The following GCH1 variants were observed in gnomAD, a reference collection of about 807,000 sequenced individuals.
The protein encoded by GCH1 is GTP cyclohydrolase 1, also known as GTP cyclohydrolase I.
GCH1 carries 5 observed loss-of-function variants against 25.9 expected under a neutral mutation model. The observed-to-expected ratio is 0.19, with a 90% confidence interval of 0.10 to 0.41. The LOEUF (loss-of-function observed/expected upper bound fraction) is 0.41, where lower values mean the gene tolerates loss of function less well. GCH1 is among the 10% of genes least tolerant of loss of function. GCH1 has a pLI of 1.00. For missense variants in GCH1, 261 were observed against 336.5 expected, an observed-to-expected ratio of 0.78 and a Z score of 1.75; for synonymous variants, 159 against 129.6, an observed-to-expected ratio of 1.23 and a Z score of -1.54.
rs149478849 is a variant in GCH1 at position 54,881,344 on chromosome 14, G to A, written c.344-15908C>T. 2.5e-3 allele frequency among the ~76,000 whole-genome samples: 374 copies of A among 152,148 alleles called. 1 individual carries two copies. Among genetic ancestry groups the A allele is most frequent in the African/African-American group, 8.4e-3 (349 of 41,504 alleles). On this transcript the variant is annotated intron_variant, in intron 1 of 5. Transcript: ENST00000491895. Reference sequence around the variant, plus strand: ...CAAAATCCTCCCTAAATCACATCCTGCAACTCAAAGTCTTCTGCCCTGAAG... The same window carrying A: ...CAAAATCCTCCCTAAATCACATCCTACAACTCAAAGTCTTCTGCCCTGAAG...
At chr14:54,879,252 C>G (rs71412656) in intron 1 of GCH1, among the ~76,000 whole-genome samples, 5 of 151,982 alleles carry the variant, frequency 3.3e-5, no homozygotes, top group Admixed American at 2.6e-4. Context: ...GAAAACCCAT[C>G]TCTTCTAAAA....
chr14:54,851,195 T>G (rs1283232886), intron 3 of GCH1, among the ~76,000 whole-genome samples: 7 of 152,224 alleles, frequency 4.6e-5, no homozygotes, highest in Non-Finnish European at 8.8e-5. Context: ...CTGGATCCCT[T>G]CCTTACACCT....
chr14:54,848,534 T>C (rs1176041981), intron 3 of GCH1, among the ~76,000 whole-genome samples: 1 of 152,214 alleles, frequency 6.6e-6, no homozygotes, highest in Non-Finnish European at 1.5e-5. Flanking sequence ...TGAGGACCTT[T>C]TCTTTAAATT....
In GCH1 at chr14:54,842,177, T is replaced by C. The variant is rs1465679868; in HGVS notation, c.*1840A>G. 6.6e-6 allele frequency: 1 copy of C among 152,452 alleles called. No individual in the cohort carries two copies. The highest frequency in any genetic ancestry group is 1.5e-5 in the Non-Finnish European group (1 of 68,036). 9.4% of individuals were successfully genotyped at this position (152,452 alleles called of 1,614,324 possible). A position where few individuals can be genotyped will look rare whatever the true frequency, so the allele number is the denominator to read the frequency against. On this transcript the variant is annotated 3_prime_UTR_variant, in exon 6 of 6. Coordinates refer to ENST00000491895, the MANE Select transcript of GCH1 (RefSeq NM_000161.3). The stretch of plus-strand genomic sequence containing the variant: ...AGATCATGGATATGAAAAGGTAATT[T>C]TGAAGTACTAAAGACTAGAGTAAAA...
intron 3 of GCH1, 145 bp from the exon 4 acceptor site, chr14:54,847,275 A>C (rs897987477): frequency 2.0e-6 from 1 of 510,816 alleles, no homozygotes; most frequent in Non-Finnish European, 3.6e-6. Context: ...AGAAAGATAC[A>C]AGTACCACAG....
intron 1 of GCH1, among the ~76,000 whole-genome samples, chr14:54,865,988 T>A (rs919931898): frequency 3.9e-5 from 6 of 152,174 alleles, no homozygotes; most frequent in African/African-American, 1.4e-4. Context: ...TCTAAACAGT[T>A]GCCTTCCTAA....
intron 1 of GCH1, among the ~76,000 whole-genome samples, chr14:54,868,070 C>T (rs1390197054): frequency 6.6e-6 from 1 of 152,084 alleles, no homozygotes; most frequent in Non-Finnish European, 1.5e-5. Flanking sequence ...ATAACTGCAG[C>T]CTAATCATCA....
chr14:54,859,548 T>C (rs2039863925), intron 3 of GCH1, 133 bp downstream of exon 3: 2 of 719,968 alleles, frequency 2.8e-6, no homozygotes, highest in Non-Finnish European at 5.2e-6. Flanking sequence ...ACCCTCCAAG[T>C]CTTTAAGTTG....
chr14:54,859,379 A>G (rs1363293207), intron 3 of GCH1: 13 of 412,388 alleles, frequency 3.2e-5, no homozygotes, highest in Non-Finnish European at 5.9e-5. Flanking sequence ...ATGGGGCTGG[A>G]CTGAAGGTAA....
chr14:54,879,402 C>A (rs1447886139), intron 1 of GCH1, among the ~76,000 whole-genome samples: 2 of 108,164 alleles, frequency 1.8e-5, no homozygotes, highest in African/African-American at 3.6e-5. Flanking sequence ...GCCTGGGCAA[C>A]AGAGCAAGTC....
chr14:54,884,545 G>A (rs536670847), intron 1 of GCH1, among the ~76,000 whole-genome samples: 5 of 152,248 alleles, frequency 3.3e-5, no homozygotes, highest in Admixed American at 6.5e-5. Context: ...CAAGGCAGGC[G>A]TATCATTTGA....
At chr14:54,883,910 G>A (rs941707685) in intron 1 of GCH1, among the ~76,000 whole-genome samples, 1 of 152,168 alleles carries the variant, frequency 6.6e-6, no homozygotes, top group African/African-American at 2.4e-5. Flanking sequence ...AAGGACCCAG[G>A]TAGAGAACCT....
At chr14:54,895,569 G>A (rs2040473683) in intron 1 of GCH1, among the ~76,000 whole-genome samples, 2 of 152,188 alleles carry the variant, frequency 1.3e-5, no homozygotes, top group African/African-American at 4.8e-5. Context: ...TCAGAGAATA[G>A]CAGACTCTCC....
At chr14:54,901,935 C>T (rs781526459) in intron 1 of GCH1, among the ~76,000 whole-genome samples, 1 of 152,186 alleles carries the variant, frequency 6.6e-6, no homozygotes, top group Non-Finnish European at 1.5e-5. Context: ...CAGCAAGTGC[C>T]CAGGTGATCC....
rs764999718 is a variant in GCH1, at chr14:54,855,505, C to CAAAAAAAAAAAAAAAAAA, written c.509+4158_509+4175dup. Among the ~76,000 whole-genome samples, 60 of 36,416 alleles carry CAAAAAAAAAAAAAAAAAA rather than the reference C, an allele frequency of 1.6e-3. 6 individuals carry two copies. The highest frequency in any genetic ancestry group is 9.6e-3 in the African/African-American group (54 of 5,644). The allele number at this position is 36,416 out of a possible 152,430, so 23.9% of individuals were successfully genotyped here. On this transcript the variant is annotated intron_variant, in intron 3 of 5. Transcript: ENST00000491895. ...TGGGCGACAGAGAAAGACCCTGTCT[C>CAAAAAAAAAAAAAAAAAA]AAAAAAAAAAAAAAAAAAAAAAAAG...
chr14:54,886,049 C>G (rs1263509901), intron 1 of GCH1: 11 of 212,912 alleles, frequency 5.2e-5, no homozygotes. Flanking sequence ...TGGTACTTGT[C>G]TCCAGTGGCA....
chr14:54,879,420 C>CA (rs34163543), intron 1 of GCH1, among the ~76,000 whole-genome samples: 3,282 of 59,854 alleles, frequency 0.055, 341 homozygotes, highest in Non-Finnish European at 0.078. Flanking sequence ...GTCCCTGTCT[C>CA]AAAAAAAAAA....
intron 1 of GCH1, among the ~76,000 whole-genome samples, chr14:54,877,856 T>C (rs1321386091): frequency 6.6e-6 from 1 of 152,116 alleles, no homozygotes; most frequent in East Asian, 1.9e-4. Context: ...TGTGGGCCTG[T>C]TAAGACACAA....
chr14:54,851,635 C>T (rs2039732392), intron 3 of GCH1, among the ~76,000 whole-genome samples: 1 of 152,190 alleles, frequency 6.6e-6, no homozygotes, highest in African/African-American at 2.4e-5. Flanking sequence ...CTCCTCATCA[C>T]TGGCCATCAG....
Sources: gnomAD v4.1 joint callset for allele counts (sites outside exome capture counted in the v4.1 genomes callset) on GRCh38, gnomAD v4.1.1 for gene constraint, MANE v1.5 for transcripts, NCBI Gene and HGNC (gene_info 2026-07-23, HGNC 2026-07-21) for gene names.